Variants in SPIDR observed in about 807,000 individuals in gnomAD.
SPIDR encodes DNA repair-scaffolding protein.
In SPIDR, 93 loss-of-function variants were observed where a neutral mutation model predicts 104.6. That is an observed-to-expected ratio of 0.89 (90% confidence interval 0.75 to 1.06). SPIDR has a LOEUF of 1.06. Among genes scored for constraint, SPIDR ranks in the 50% least tolerant of loss-of-function variants. The probability of loss-of-function intolerance (pLI) is 0.00; values close to 1 mark genes in which losing one functional copy is unlikely to be tolerated. For missense variants in SPIDR, 1,154 were observed against 1,111.2 expected (o/e 1.04, Z -0.55); for synonymous variants, 431 against 416.9 (o/e 1.03, Z -0.41).
chr8:47,535,912 G>A (rs1455378587), intron 8 of SPIDR, among the ~76,000 whole-genome samples: 1 of 152,138 alleles, frequency 6.6e-6, no homozygotes, highest in Non-Finnish European at 1.5e-5. Flanking sequence ...GATTGTGTAT[G>A]TAGAAATTCC....
At chr8:47,677,072 T>G (rs1255035172) in intron 11 of SPIDR, among the ~76,000 whole-genome samples, 1 of 152,218 alleles carries the variant, frequency 6.6e-6, no homozygotes, top group Non-Finnish European at 1.5e-5. Flanking sequence ...TGATGTATGC[T>G]CACCGCAGAA....
chr8:47,313,825 C>G (rs2044715777), intron 5 of SPIDR, among the ~76,000 whole-genome samples: 1 of 152,132 alleles, frequency 6.6e-6, no homozygotes, highest in South Asian at 2.1e-4. Context: ...GGCCAGCAGG[C>G]TATAAACACC....
intron 8 of SPIDR, chr8:47,592,648 G>T (rs1328305948): frequency 4.0e-6 from 4 of 994,020 alleles, no homozygotes; most frequent in African/African-American, 1.6e-5. Flanking sequence ...CTAGTCTCCG[G>T]CTCCGCTTGC....
chr8:47,720,849 G>A (rs1055826260), intron 16 of SPIDR, among the ~76,000 whole-genome samples: 6 of 151,702 alleles, frequency 4.0e-5, no homozygotes, highest in East Asian at 1.9e-4. Context: ...CTTCCACCCC[G>A]CTGGTTCAAG....
At chr8:47,495,457 T>A (rs2079296552) in intron 8 of SPIDR, among the ~76,000 whole-genome samples, 1 of 152,276 alleles carries the variant, frequency 6.6e-6, no homozygotes, top group Non-Finnish European at 1.5e-5. Flanking sequence ...TTAAGTGGTT[T>A]TTTATATACT....
chr8:47,606,973 A>C (rs916510320), intron 10 of SPIDR, among the ~76,000 whole-genome samples: 1 of 152,218 alleles, frequency 6.6e-6, no homozygotes, highest in Non-Finnish European at 1.5e-5. Context: ...TCAACAACAC[A>C]GGGGACCATT....
intron 6 of SPIDR, among the ~76,000 whole-genome samples, chr8:47,400,507 G>A (rs958507825): frequency 1.3e-5 from 2 of 152,116 alleles, no homozygotes; most frequent in African/African-American, 4.8e-5. Flanking sequence ...TTGATGAAGG[G>A]ATGGTGGTTT....
In SPIDR at chr8:47,735,796, T is replaced by C. The variant is rs2154495644; in HGVS notation, c.*346T>C. The C allele has an allele frequency of 2.1e-6, 1 of 468,574 alleles. No individual in the cohort carries two copies. 29.0% of individuals were successfully genotyped at this position (468,574 alleles called of 1,614,324 possible). On this transcript the variant is annotated 3_prime_UTR_variant, in exon 20 of 20. Transcript: ENST00000297423. ...TTTTAACAAGTTGAACATTTTACCA[T>C]GATTGAACATGTTTTTATTACAGTA...
At chr8:47,660,814 C>A in intron 10 of SPIDR, 1 of 316,266 alleles carries the variant, frequency 3.2e-6, no homozygotes, top group Non-Finnish European at 4.6e-6. Flanking sequence ...TATAAAAATG[C>A]AGACACCTGG....
In SPIDR at chr8:47,284,041, A is replaced by G. The variant is rs1271112376; in HGVS notation, c.203A>G (p.Glu68Gly). The change falls in exon 3 of 20, where the codon GAA becomes GGA. Residue 68 changes from glutamate (E) to glycine (G), a missense_variant. Transcript: ENST00000297423. ...TTTTGCCTACAGTCATTAACAGCTG[A>G]AGAGAAGACGATTACAGAAAAGCAC... is the stretch of plus-strand genomic sequence containing the variant. ...NTSGNPSLTA[E>G]EKTITEKHLE... is the part of the protein sequence containing the mutation. 4 of 1,611,278 alleles carry G rather than the reference A, an allele frequency of 2.5e-6. No homozygotes were observed. In the East Asian group the frequency reaches 8.9e-5, roughly 36 times the overall value.
intron 10 of SPIDR, among the ~76,000 whole-genome samples, chr8:47,607,526 T>A (rs2063107488): frequency 6.6e-6 from 1 of 152,038 alleles, no homozygotes; most frequent in Non-Finnish European, 1.5e-5. Context: ...GCCTTAGCCT[T>A]TGTGTGTGTT....
intron 10 of SPIDR, among the ~76,000 whole-genome samples, chr8:47,650,521 G>A (rs2071418698): frequency 6.6e-6 from 1 of 152,102 alleles, no homozygotes; most frequent in Admixed American, 6.5e-5. Flanking sequence ...CATGAAAATG[G>A]TCGTGCTGCC....
At chr8:47,557,795 A>T (rs2091493736) in intron 8 of SPIDR, among the ~76,000 whole-genome samples, 1 of 152,172 alleles carries the variant, frequency 6.6e-6, no homozygotes. Context: ...TACGCACAAG[A>T]CTTTTGTGCT....
chr8:47,515,617 G>T (rs2083002946), intron 8 of SPIDR, among the ~76,000 whole-genome samples: 1 of 152,184 alleles, frequency 6.6e-6, no homozygotes, highest in Non-Finnish European at 1.5e-5. Flanking sequence ...GGACTTTATT[G>T]TATTTTGTCT....
At chr8:47,626,376 A>G (rs1472342135) in intron 10 of SPIDR, among the ~76,000 whole-genome samples, 3 of 152,364 alleles carry the variant, frequency 2.0e-5, no homozygotes, top group Non-Finnish European at 4.4e-5. Flanking sequence ...ACAAAAGCCA[A>G]AATTAACAAA....
rs1249211053 is a variant in SPIDR at position 47,566,009 on chromosome 8, T to A, written c.1098-29802T>A. 7.2e-4 allele frequency among the ~76,000 whole-genome samples: 73 copies of A among 101,206 alleles called. 2 individuals carry two copies. Among genetic ancestry groups the A allele is most frequent in the Middle Eastern group, 4.7e-3 (1 of 212 alleles). 66.4% of individuals were successfully genotyped at this position (101,206 alleles called of 152,430 possible). A position where few individuals can be genotyped will look rare whatever the true frequency, so the allele number is the denominator to read the frequency against. ...ATATATATATTTTTTTTTTTTTTTTTTTTTTTTTTTTTTGAGATGGAGTTT... is the reference window on the plus strand; with the variant it reads ...ATATATATATTTTTTTTTTTTTTTTATTTTTTTTTTTTTGAGATGGAGTTT... On this transcript the variant is annotated intron_variant, in intron 8 of 19. Coordinates refer to ENST00000297423, the MANE Select transcript of SPIDR (RefSeq NM_001080394.4).
chr8:47,478,979 T>C (rs1191224953), intron 8 of SPIDR, among the ~76,000 whole-genome samples: 1 of 152,184 alleles, frequency 6.6e-6, no homozygotes, highest in Non-Finnish European at 1.5e-5. Flanking sequence ...TTTTGAGTTG[T>C]TTTTTTCCAT....
intron 6 of SPIDR, among the ~76,000 whole-genome samples, chr8:47,400,190 C>A (rs1026194379): frequency 2.0e-5 from 3 of 152,098 alleles, no homozygotes; most frequent in Non-Finnish European, 4.4e-5. Flanking sequence ...CCTTTCAGGC[C>A]CAGTGAGAGG....
At chr8:47,423,296 C>CAA (rs34511552) in intron 7 of SPIDR, among the ~76,000 whole-genome samples, 9 of 129,124 alleles carry the variant, frequency 7.0e-5, no homozygotes, top group East Asian at 4.4e-4. Flanking sequence ...GACTCTGTCT[C>CAA]AAAAAAAAAA....
Sources: gnomAD v4.1 joint callset for allele counts (sites outside exome capture counted in the v4.1 genomes callset) on GRCh38, gnomAD v4.1.1 for gene constraint, MANE v1.5 for transcripts, NCBI Gene and HGNC (gene_info 2026-07-23, HGNC 2026-07-21) for gene names.